Variants in TNFSF12 observed in about 807,000 individuals in gnomAD.
TNFSF12 encodes the protein tumor necrosis factor ligand superfamily member 12.
Under a neutral mutation model 31.2 loss-of-function variants are expected in TNFSF12, and 16 were observed. The ratio of observed to expected loss-of-function variants is 0.51; its 90% confidence interval spans 0.35 to 0.78. The LOEUF (loss-of-function observed/expected upper bound fraction) is 0.78. Ranked by LOEUF, TNFSF12 falls within the 30% of genes least tolerant of loss-of-function variation. The pLI is 0.01. For missense variants in TNFSF12, 324 were observed against 338.8 expected (o/e 0.96, Z 0.34); for synonymous variants, 150 against 151.4 (o/e 0.99, Z 0.07).
At position 7,555,982 on chromosome 17, in the gene TNFSF12, G is replaced by GTTTTTTTT. The variant is rs1167470187; in HGVS notation, c.374-788_374-781dup. ...AAAATGCCCAGTGAGCGTTTTTTTT[G>GTTTTTTTT]TTTTTTTTTTTTTTTGGAGACAGAG... On this transcript the variant is annotated intron_variant, in intron 5 of 6. Transcript: ENST00000293825. 2.5e-5 allele frequency among the ~76,000 whole-genome samples: 3 copies of GTTTTTTTT among 117,764 alleles called. 1 individual carries two copies. Among genetic ancestry groups the GTTTTTTTT allele is most frequent in the Admixed American group, 1.0e-4 (1 of 9,932 alleles). The allele number at this position is 117,764 out of a possible 152,430, so 77.3% of individuals were successfully genotyped here. A position where few individuals can be genotyped will look rare whatever the true frequency, so the allele number is the denominator to read the frequency against.
At chr17:7,551,446 C>T (rs778074656) in intron 5 of TNFSF12, among the ~76,000 whole-genome samples, 1 of 152,108 alleles carries the variant, frequency 6.6e-6, no homozygotes, top group African/African-American at 2.4e-5. Flanking sequence ...CCATGCTGAG[C>T]CCCTAAACTT....
At chr17:7,556,248 C>T (rs1023819400) in intron 5 of TNFSF12, among the ~76,000 whole-genome samples, 7 of 151,978 alleles carry the variant, frequency 4.6e-5, no homozygotes, top group East Asian at 1.9e-4. Flanking sequence ...CTCAAAATGC[C>T]GGGATGACAG....
intron 5 of TNFSF12, among the ~76,000 whole-genome samples, chr17:7,555,745 A>C (rs4968211): frequency 2.6e-5 from 4 of 151,932 alleles, no homozygotes; most frequent in Non-Finnish European, 5.9e-5. Flanking sequence ...GGAGGCTTGA[A>C]TATCCCCCTG....
In TNFSF12 at chr17:7,557,003, G is replaced by C; in HGVS notation, c.499-96G>C. The C allele has an allele frequency of 2.4e-6, 2 of 840,182 alleles. No individual in the cohort carries two copies. The highest frequency in any genetic ancestry group is 3.7e-6 in the Non-Finnish European group (2 of 540,184). 52.0% of individuals were successfully genotyped at this position (840,182 alleles called of 1,614,324 possible). Reference sequence around the variant, plus strand: ...TACAGGGCTGGGAGGGTGAGTTGGGGTTTGGGTGGGATGGGATGCCTGCGT... The same window carrying C: ...TACAGGGCTGGGAGGGTGAGTTGGGCTTTGGGTGGGATGGGATGCCTGCGT... On this transcript the variant is annotated intron_variant, in intron 6 of 6. Transcript: ENST00000293825. The surrounding 1 kb of genome is among the most constrained non-coding windows in gnomAD (Gnocchi z 5.2).
In TNFSF12 at chr17:7,557,197, G is replaced by T. The variant is rs143039184; in HGVS notation, c.597G>T (p.Ala199=). The change falls in exon 7 of 7, where the codon GCG becomes GCT. Residue 199 remains alanine, a synonymous_variant. Coordinates refer to ENST00000293825, the MANE Select transcript of TNFSF12 (RefSeq NM_003809.3). This position sits in a 1 kb window ranked among gnomAD's most constrained non-coding sequence, Gnocchi z 5.2. ...LRCLEEFSAT[A]ASSLGPQLRL... is the part of the protein sequence containing the mutation. ...GCCTGGAGGAATTCTCAGCCACTGCGGCGAGTTCCCTCGGGCCCCAGCTCC... is the reference window on the plus strand; with the variant it reads ...GCCTGGAGGAATTCTCAGCCACTGCTGCGAGTTCCCTCGGGCCCCAGCTCC... 20 of 1,612,034 alleles carry T rather than the reference G, an allele frequency of 1.2e-5. No homozygotes were observed. Among genetic ancestry groups the T allele is most frequent in the Middle Eastern group, 1.7e-4 (1 of 6,052 alleles).
intron 5 of TNFSF12, among the ~76,000 whole-genome samples, chr17:7,554,292 A>G (rs1163085530): frequency 6.7e-6 from 1 of 150,076 alleles, no homozygotes; most frequent in Non-Finnish European, 1.5e-5. Context: ...GCCCACAGCA[A>G]CTAATATCCA....
At chr17:7,553,671 C>G in intron 5 of TNFSF12, 1 of 1,303,980 alleles carries the variant, frequency 7.7e-7, no homozygotes, top group Admixed American at 2.3e-5. Context: ...TGCCTGTGTA[C>G]TGGACATGGT....
Position 7,550,031 on chromosome 17 carries a change from T to C in TNFSF12, c.208-89T>C. On this transcript the variant is annotated intron_variant, in intron 2 of 6. Coordinates refer to ENST00000293825, the MANE Select transcript of TNFSF12 (RefSeq NM_003809.3). The surrounding 1 kb of genome is among the most constrained non-coding windows in gnomAD (Gnocchi z 4.4). Reference sequence around the variant, plus strand: ...ATCTGTCCCTGACTTCTGTGTCTATTGCTGGCTGGTGGCTCTCCTGACAGG... The same window carrying C: ...ATCTGTCCCTGACTTCTGTGTCTATCGCTGGCTGGTGGCTCTCCTGACAGG... 3 of 1,601,042 alleles carry C rather than the reference T, an allele frequency of 1.9e-6. No homozygotes were observed. The highest frequency in any genetic ancestry group is 2.6e-6 in the Non-Finnish European group (3 of 1,169,302).
Position 7,549,342 on chromosome 17 carries a change from G to T in TNFSF12, c.159+30G>T. On this transcript the variant is annotated intron_variant, in intron 1 of 6. Transcript: ENST00000293825. This position sits in a 1 kb window ranked among gnomAD's most constrained non-coding sequence, Gnocchi z 4.1. ...GGCCCCGCTGCGCACCCCTTCTTGG[G>T]CACATCAGGAGCTGAGACTGCAGAG... The T allele has an allele frequency of 7.1e-7, 1 of 1,410,570 alleles. No individual in the cohort carries two copies. The allele number at this position is 1,410,570 out of a possible 1,614,324, so 87.4% of individuals were successfully genotyped here.
chr17:7,549,334 C>T lies in TNFSF12; in HGVS notation c.159+22C>T, dbSNP rs376461701. 7.1e-7 allele frequency: 1 copy of T among 1,404,876 alleles called. No homozygotes were observed. Among genetic ancestry groups the T allele is most frequent in the Non-Finnish European group, 9.3e-7 (1 of 1,073,134 alleles). The allele number at this position is 1,404,876 out of a possible 1,614,324, so 87.0% of individuals were successfully genotyped here. ...CCAGGTGAGGCCCCGCTGCGCACCC[C>T]TTCTTGGGCACATCAGGAGCTGAGA... is the stretch of plus-strand genomic sequence containing the variant. On this transcript the variant is annotated intron_variant, in intron 1 of 6. Coordinates refer to ENST00000293825, the MANE Select transcript of TNFSF12 (RefSeq NM_003809.3). The surrounding 1 kb of genome is among the most constrained non-coding windows in gnomAD (Gnocchi z 4.1).
rs2071091325 is a variant in TNFSF12 at position 7,557,638 on chromosome 17, G to T, written c.*288G>T. The T allele has an allele frequency of 2.4e-6, 1 of 420,276 alleles. No homozygotes were observed. The highest frequency in any genetic ancestry group is 4.3e-6 in the Non-Finnish European group (1 of 232,816). The allele number at this position is 420,276 out of a possible 1,614,324, so 26.0% of individuals were successfully genotyped here. A position where few individuals can be genotyped will look rare whatever the true frequency, so the allele number is the denominator to read the frequency against. ...ACTCCCCCCTGGCCACAGACCCCCA[G>T]GGCATTGTGTTCACTGTACTCTGTG... On this transcript the variant is annotated 3_prime_UTR_variant, in exon 7 of 7. Coordinates refer to ENST00000293825, the MANE Select transcript of TNFSF12 (RefSeq NM_003809.3). The surrounding 1 kb of genome is among the most constrained non-coding windows in gnomAD (Gnocchi z 5.2).
chr17:7,549,173 A>G lies in TNFSF12; in HGVS notation c.20A>G (p.Gln7Arg). Residue 7 changes from glutamine to arginine, a missense_variant, in exon 1 of 7, where the codon CAG becomes CGG. Coordinates refer to ENST00000293825, the MANE Select transcript of TNFSF12 (RefSeq NM_003809.3). This position sits in a 1 kb window ranked among gnomAD's most constrained non-coding sequence, Gnocchi z 4.1. MAARRSQRRRGRRGEPG... is the reference protein window; with the variant it reads MAARRSRRRRGRRGEPG... ...GCCCCCATGGCCGCCCGTCGGAGCC[A>G]GAGGCGGAGGGGGCGCCGGGGGGAG... is the stretch of plus-strand genomic sequence containing the variant. The G allele has an allele frequency of 7.7e-7, 1 of 1,292,784 alleles. No individual in the cohort carries two copies. Among genetic ancestry groups the G allele is most frequent in the Non-Finnish European group, 9.8e-7 (1 of 1,023,670 alleles). The allele number at this position is 1,292,784 out of a possible 1,614,324, so 80.1% of individuals were successfully genotyped here.
intron 5 of TNFSF12, among the ~76,000 whole-genome samples, chr17:7,554,013 T>G (rs1433324682): frequency 2.0e-5 from 3 of 152,144 alleles, no homozygotes; most frequent in Admixed American, 2.0e-4. Flanking sequence ...AATGTCCAGG[T>G]GAGGTTTGTG....
At chr17:7,556,966 T>TG (rs1473202610) in intron 6 of TNFSF12, 64 bp downstream of exon 6, 39 of 1,380,832 alleles carry the variant, frequency 2.8e-5, no homozygotes, top group Non-Finnish European at 3.7e-5. Context: ...GCCAGGAGAG[T>TG]GGGGGACAAG....
chr17:7,556,824 C>A lies in TNFSF12; in HGVS notation c.420C>A (p.Ser140Arg). ...VSGWEEARIN[S>R]SSPLRYNRQI... ...GCTGGGAGGAAGCCAGAATCAACAG[C>A]TCCAGCCCTCTGCGCTACAACCGCC... Residue 140 changes from serine to arginine, a missense_variant, in exon 6 of 7, where the codon AGC (serine) becomes AGA (arginine). Ser to Arg is a moderately radical substitution (Grantham distance 110, BLOSUM62 -1). Coordinates refer to ENST00000293825, the MANE Select transcript of TNFSF12 (RefSeq NM_003809.3). 1 of 1,560,226 alleles carries A rather than the reference C, an allele frequency of 6.4e-7. No homozygotes were observed.
intron 5 of TNFSF12, among the ~76,000 whole-genome samples, chr17:7,552,728 C>T (rs2071014362): frequency 6.6e-6 from 1 of 152,016 alleles, no homozygotes; most frequent in Non-Finnish European, 1.5e-5. Flanking sequence ...TGAAGTGGAG[C>T]TGAGGGGAAA....
chr17:7,549,557 G>A lies in TNFSF12; in HGVS notation c.207+36G>A. The A allele has an allele frequency of 6.6e-7, 1 of 1,518,780 alleles. No individual in the cohort carries two copies. The highest frequency in any genetic ancestry group is 2.4e-5 in the East Asian group (1 of 40,944). The allele number at this position is 1,518,780 out of a possible 1,614,324, so 94.1% of individuals were successfully genotyped here. A position where few individuals can be genotyped will look rare whatever the true frequency, so the allele number is the denominator to read the frequency against. On this transcript the variant is annotated intron_variant, in intron 2 of 6. Coordinates refer to ENST00000293825, the MANE Select transcript of TNFSF12 (RefSeq NM_003809.3). The surrounding 1 kb of genome is among the most constrained non-coding windows in gnomAD (Gnocchi z 4.1). Reference sequence around the variant, plus strand: ...GTGGGCGCGGTCTGCAGGCTGCTGGGGCATGGGAAGTGTGCACAGCCGAGG... The same window carrying A: ...GTGGGCGCGGTCTGCAGGCTGCTGGAGCATGGGAAGTGTGCACAGCCGAGG...
At chr17:7,552,324 TG>T (rs1359845952) in intron 5 of TNFSF12, among the ~76,000 whole-genome samples, 3 of 146,880 alleles carry the variant, frequency 2.0e-5, no homozygotes, top group African/African-American at 7.5e-5. Flanking sequence ...GCCATATGGA[TG>T]GCTTTTTTTT....
At position 7,549,682 on chromosome 17, in the gene TNFSF12, C is replaced by T; in HGVS notation, c.207+161C>T. The T allele has an allele frequency of 1.7e-6, 2 of 1,191,780 alleles. No homozygotes were observed. The highest frequency in any genetic ancestry group is 1.8e-5 in the South Asian group (1 of 55,630). 73.8% of individuals were successfully genotyped at this position (1,191,780 alleles called of 1,614,324 possible). ...GTGCGTGTCTGCAGGGGTGTGTGTG[C>T]GTGGTGACAACTCTGTGTGAGGGGT... On this transcript the variant is annotated intron_variant, in intron 2 of 6. Transcript: ENST00000293825. The surrounding 1 kb of genome is among the most constrained non-coding windows in gnomAD (Gnocchi z 4.1).
Sources: gnomAD v4.1 joint callset for allele counts (sites outside exome capture counted in the v4.1 genomes callset) on GRCh38, gnomAD v4.1.1 for gene constraint, Gnocchi (gnomAD v3.1) non-coding constraint, MANE v1.5 for transcripts, NCBI Gene and HGNC (gene_info 2026-07-23, HGNC 2026-07-21) for gene names.